Variants in ESRRB observed in about 807,000 individuals in gnomAD.
ESRRB encodes estrogen related receptor beta, also known as steroid hormone receptor ERR2.
In ESRRB, 16 loss-of-function variants were observed where a neutral mutation model predicts 46.0. That is an observed-to-expected ratio of 0.35 (90% confidence interval 0.24 to 0.53). The LOEUF is 0.53. Ranked by LOEUF, ESRRB falls within the 20% of genes least tolerant of loss-of-function variation. The pLI is 0.93. For missense variants in ESRRB, 488 were observed against 607.4 expected, an observed-to-expected ratio of 0.80 and a Z score of 2.07; for synonymous variants, 246 against 259.6, an observed-to-expected ratio of 0.95 and a Z score of 0.50.
intron 1 of ESRRB, among the ~76,000 whole-genome samples, chr14:76,336,476 C>T (rs1884127811): frequency 6.6e-6 from 1 of 152,258 alleles, no homozygotes; most frequent in African/African-American, 2.4e-5. Context: ...CTTGCCTCTG[C>T]ACCTGCCCCA....
At chr14:76,430,572 G>T (rs1051223414) in intron 1 of ESRRB, among the ~76,000 whole-genome samples, 22 of 152,200 alleles carry the variant, frequency 1.4e-4, no homozygotes, top group African/African-American at 4.8e-4. Flanking sequence ...CATCCACTGA[G>T]TGCCTGCTTG....
intron 5 of ESRRB, among the ~76,000 whole-genome samples, chr14:76,485,140 G>T (rs1889956299): frequency 6.6e-6 from 1 of 151,582 alleles, no homozygotes; most frequent in African/African-American, 2.4e-5. Context: ...TTTGCCTCCT[G>T]ACCTTCCAGT....
intron 1 of ESRRB, among the ~76,000 whole-genome samples, chr14:76,417,073 G>A (rs912564615): frequency 2.0e-5 from 3 of 152,082 alleles, no homozygotes; most frequent in Non-Finnish European, 2.9e-5. Context: ...GAAGGCGGAG[G>A]CTGCAGTGAG....
intron 3 of ESRRB, among the ~76,000 whole-genome samples, chr14:76,479,396 C>CAGT (rs1889719128): frequency 1.3e-5 from 2 of 152,200 alleles, no homozygotes; most frequent in African/African-American, 4.8e-5. Flanking sequence ...TCCTCAGGAA[C>CAGT]ACATTTGTTA....
intron 1 of ESRRB, among the ~76,000 whole-genome samples, chr14:76,353,427 C>T (rs1011357461): frequency 1.3e-5 from 2 of 152,212 alleles, no homozygotes; most frequent in Admixed American, 1.3e-4. Flanking sequence ...TCCCCTAAGA[C>T]TCGGGGATTA....
chr14:76,496,711 T>C (rs1024225743), intron 6 of ESRRB, among the ~76,000 whole-genome samples: 2 of 152,172 alleles, frequency 1.3e-5, no homozygotes, highest in Non-Finnish European at 2.9e-5. Flanking sequence ...AGGGCGACCA[T>C]GGGTGCCACT....
chr14:76,404,030 C>T (rs1886058861), intron 1 of ESRRB, among the ~76,000 whole-genome samples: 1 of 152,168 alleles, frequency 6.6e-6, no homozygotes, highest in African/African-American at 2.4e-5. Context: ...GGAGCAGGAC[C>T]TTCTTGTGCT....
rs547133298 is a variant in ESRRB at position 76,465,859 on chromosome 14, AG to A, written c.577+3201del. Among the ~76,000 whole-genome samples the A allele has an allele frequency of 7.2e-3, 1,093 of 152,364 alleles. 12 individuals are homozygous for A. The highest frequency in any genetic ancestry group is 0.025 in the African/African-American group (1,049 of 41,592). ...AAAGGCTCCTGAGTACGGACAAAGC[AG>A]GGAGCCACGTTTAGTTTCTGTCCCC... On this transcript the variant is annotated intron_variant, in intron 3 of 6. Transcript: ENST00000644823.
chr14:76,375,934 T>A (rs560854132), upstream of ESRRB, among the ~76,000 whole-genome samples: 147 of 127,338 alleles, frequency 1.2e-3, no homozygotes, highest in African/African-American at 4.3e-3. Flanking sequence ...CTTAGGGCTC[T>A]AACACCCAGT....
chr14:76,338,808 G>GT (rs1884157761), intron 1 of ESRRB, among the ~76,000 whole-genome samples: 1 of 152,088 alleles, frequency 6.6e-6, no homozygotes, highest in Non-Finnish European at 1.5e-5. Context: ...AATTAGCTGG[G>GT]TGTGGTGGCC....
chr14:76,494,165 A>T (rs1890332336), intron 6 of ESRRB, among the ~76,000 whole-genome samples: 4 of 152,268 alleles, frequency 2.6e-5, no homozygotes, highest in Admixed American at 2.0e-4. Context: ...TATTAACAAT[A>T]AATGAATGCA....
intron 5 of ESRRB, among the ~76,000 whole-genome samples, chr14:76,489,085 C>G (rs1348605528): frequency 6.6e-6 from 1 of 152,062 alleles, no homozygotes; most frequent in Non-Finnish European, 1.5e-5. Flanking sequence ...CTGCAGGATT[C>G]ACTGCACAGG....
At chr14:76,463,613 A>AT (rs1253300591) in intron 3 of ESRRB, among the ~76,000 whole-genome samples, 1 of 151,128 alleles carries the variant, frequency 6.6e-6, no homozygotes, top group Non-Finnish European at 1.5e-5. Flanking sequence ...CGCCCGGCTA[A>AT]TTTTTTTGTA....
chr14:76,499,161 T>TC lies in ESRRB; in HGVS notation c.*708dup. Reference sequence around the variant, plus strand: ...CCTCCTCTTCTCCTCCCCCCGGGAGTCCCCCGCTACTTCCTGACCCTACCT... The same window carrying TC: ...CCTCCTCTTCTCCTCCCCCCGGGAGTCCCCCCGCTACTTCCTGACCCTACCT... On this transcript the variant is annotated 3_prime_UTR_variant, in exon 7 of 7. Coordinates refer to ENST00000644823, the MANE Select transcript of ESRRB (RefSeq NM_001379180.1). 1 of 303,728 alleles carries TC rather than the reference T, an allele frequency of 3.3e-6. No homozygotes were observed. Among genetic ancestry groups the TC allele is most frequent in the Non-Finnish European group, 6.4e-6 (1 of 156,064 alleles). 18.8% of individuals were successfully genotyped at this position (303,728 alleles called of 1,614,324 possible). A position where few individuals can be genotyped will look rare whatever the true frequency, so the allele number is the denominator to read the frequency against.
intron 1 of ESRRB, among the ~76,000 whole-genome samples, chr14:76,358,323 A>AG (rs1259670678): frequency 1.9e-5 from 1 of 53,100 alleles, no homozygotes; most frequent in African/African-American, 6.4e-5. Flanking sequence ...AAAAAAAAAA[A>AG]AAAGAAAGAA....
At chr14:76,469,815 G>T (rs1595150362) in intron 3 of ESRRB, among the ~76,000 whole-genome samples, 1 of 151,454 alleles carries the variant, frequency 6.6e-6, no homozygotes, top group East Asian at 1.9e-4. Flanking sequence ...TCATTTTCTT[G>T]TCCCATTCAC....
chr14:76,371,921 C>A (rs1454136167), upstream of ESRRB, among the ~76,000 whole-genome samples: 5 of 152,088 alleles, frequency 3.3e-5, no homozygotes, highest in Non-Finnish European at 5.9e-5. Flanking sequence ...ATTTGAGGAC[C>A]TAAGAGACAC....
chr14:76,366,616 G>C (rs2139776403), upstream of ESRRB, among the ~76,000 whole-genome samples: 1 of 152,254 alleles, frequency 6.6e-6, no homozygotes, highest in South Asian at 2.1e-4. Context: ...AAGGGGAGAT[G>C]GTCGCCCCGG....
intron 1 of ESRRB, among the ~76,000 whole-genome samples, chr14:76,412,732 G>A (rs1886495836): frequency 6.6e-6 from 1 of 152,186 alleles, no homozygotes; most frequent in South Asian, 2.1e-4. Flanking sequence ...TTTACATAAG[G>A]ATTAGCTGCG....
Sources: gnomAD v4.1 joint callset for allele counts (sites outside exome capture counted in the v4.1 genomes callset) on GRCh38, gnomAD v4.1.1 for gene constraint, MANE v1.5 for transcripts, NCBI Gene and HGNC (gene_info 2026-07-23, HGNC 2026-07-21) for gene names.